Variants in TNS1 observed in about 807,000 individuals in gnomAD.
TNS1 encodes the protein tensin-1.
A neutral mutation model predicts 168.6 loss-of-function variants in TNS1; 62 were observed. The observed-to-expected ratio is 0.37, with a 90% confidence interval of 0.30 to 0.45. The LOEUF (loss-of-function observed/expected upper bound fraction) is 0.45, where lower values mean the gene tolerates loss of function less well. TNS1 is among the 20% of genes least tolerant of loss of function. TNS1 has a pLI of 1.00. For synonymous variants in TNS1, 934 were observed against 933.2 expected, an observed-to-expected ratio of 1.00 and a Z score of -0.02; for missense variants, 2,240 against 2,339.4, an observed-to-expected ratio of 0.96 and a Z score of 0.88.
chr2:218,000,395 G>A (rs1457572349), intron 1 of TNS1, among the ~76,000 whole-genome samples: 1 of 152,206 alleles, frequency 6.6e-6, no homozygotes, highest in Non-Finnish European at 1.5e-5. Context: ...TAGAGCCCAA[G>A]GAGTAGAGCC....
chr2:217,917,853 T>TGA (rs1955235033), intron 4 of TNS1, among the ~76,000 whole-genome samples: 1 of 110,920 alleles, frequency 9.0e-6, no homozygotes, highest in African/African-American at 3.6e-5. Flanking sequence ...AAAAAAGACT[T>TGA]GCGACTGGGG....
rs527300917 is a variant in TNS1 at position 217,989,422 on chromosome 2, C to A, written c.148+1520G>T. 5.5e-4 allele frequency among the ~76,000 whole-genome samples: 84 copies of A among 152,186 alleles called. 1 individual carries two copies. Among genetic ancestry groups the A allele is most frequent in the Non-Finnish European group, 5.9e-5 (4 of 68,000 alleles). ...ACAGTGGAATTGGGAGGGGATGATG[C>A]CAAGAAGCTTGGGGACTCCAGCTGT... On this transcript the variant is annotated intron_variant, in intron 2 of 32. Coordinates refer to ENST00000682258, the MANE Select transcript of TNS1 (RefSeq NM_001387777.1).
chr2:217,869,529 G>A (rs565879028), intron 18 of TNS1, among the ~76,000 whole-genome samples: 12 of 152,276 alleles, frequency 7.9e-5, no homozygotes, highest in Non-Finnish European at 1.5e-4. Flanking sequence ...CAGAGCCAGG[G>A]GTGGCATCAA....
chr2:217,980,504 CACAGAG>C lies in TNS1; in HGVS notation c.149-1708_149-1703del, dbSNP rs1358971231. 4.3e-3 allele frequency among the ~76,000 whole-genome samples: 565 copies of C among 131,266 alleles called. 7 individuals are homozygous for C. The highest frequency in any genetic ancestry group is 0.013 in the African/African-American group (467 of 35,446). The allele number at this position is 131,266 out of a possible 152,430, so 86.1% of individuals were successfully genotyped here. A position where few individuals can be genotyped will look rare whatever the true frequency, so the allele number is the denominator to read the frequency against. On this transcript the variant is annotated intron_variant, in intron 2 of 32. Coordinates refer to ENST00000682258, the MANE Select transcript of TNS1 (RefSeq NM_001387777.1). ...TGCCTCTCTCTCTCTCCTACACACACACAGAGAGAGAGAGAGAGAGAGAGAGAGAGA... is the reference window on the plus strand; with the variant it reads ...TGCCTCTCTCTCTCTCCTACACACACAGAGAGAGAGAGAGAGAGAGAGAGA...
rs376444525 is a variant in TNS1, at chr2:217,874,842, A to T, written c.1429+6056T>A. ...ATTGAACCCATTTTACAATTAAGAC[A>T]TTTGGATCTCAGAAAGGCAAAGTTA... On this transcript the variant is annotated intron_variant, in intron 18 of 32. Transcript: ENST00000682258. Among the ~76,000 whole-genome samples the T allele has an allele frequency of 2.6e-4, 40 of 152,348 alleles. No homozygotes were observed. In the East Asian group the frequency reaches 3.9e-3, roughly 15 times the overall value.
chr2:217,897,755 G>C, intron 8 of TNS1, 43 bp downstream of exon 8: 1 of 1,520,682 alleles, frequency 6.6e-7, no homozygotes, highest in Non-Finnish European at 8.8e-7. Context: ...GCAGATGGAA[G>C]CATAGAGGGC....
intron 12 of TNS1, among the ~76,000 whole-genome samples, chr2:217,888,836 A>C (rs917495908): frequency 1.3e-5 from 2 of 152,198 alleles, no homozygotes; most frequent in African/African-American, 4.8e-5. Context: ...TGTCTTTATC[A>C]GCAGCATGAA....
chr2:217,909,714 C>T (rs1329228160), intron 4 of TNS1, among the ~76,000 whole-genome samples: 7 of 152,152 alleles, frequency 4.6e-5, no homozygotes, highest in African/African-American at 1.7e-4. Context: ...GCTCCCTTGC[C>T]TCCAGGCAGG....
upstream of TNS1, among the ~76,000 whole-genome samples, chr2:218,006,646 C>G (rs1958659594): frequency 1.3e-5 from 2 of 152,294 alleles, no homozygotes; most frequent in South Asian, 4.1e-4. Flanking sequence ...TCACAAGGGC[C>G]TGGTGAGGAC....
intron 4 of TNS1, among the ~76,000 whole-genome samples, chr2:217,918,913 A>C (rs1251886732): frequency 6.6e-6 from 1 of 152,186 alleles, no homozygotes; most frequent in Non-Finnish European, 1.5e-5. Context: ...CTGCAGCAGC[A>C]GGGCTGGGCA....
chr2:217,849,751 C>A, intron 18 of TNS1: 8 of 985,436 alleles, frequency 8.1e-6, no homozygotes, highest in Non-Finnish European at 9.6e-6. Flanking sequence ...GCCTTGAATG[C>A]CCATAGAGGT....
chr2:217,892,806 G>T (rs1951869589), intron 11 of TNS1, 142 bp downstream of exon 11: 1 of 887,662 alleles, frequency 1.1e-6, no homozygotes, highest in Non-Finnish European at 1.7e-6. Context: ...AGAGCCAGGG[G>T]CCCCTTCCCC....
chr2:217,934,388 G>A (rs1157916741), intron 3 of TNS1, among the ~76,000 whole-genome samples: 3 of 152,198 alleles, frequency 2.0e-5, no homozygotes, highest in Non-Finnish European at 4.4e-5. Flanking sequence ...TGATTCAGTG[G>A]CTGGGCCTCC....
chr2:217,837,755 C>A (rs1001636070), intron 19 of TNS1, among the ~76,000 whole-genome samples: 2 of 152,366 alleles, frequency 1.3e-5, no homozygotes, highest in East Asian at 3.9e-4. Flanking sequence ...AGCAAACAAG[C>A]CCCACACCTT....
At chr2:217,988,707 G>A (rs559760032) in intron 2 of TNS1, among the ~76,000 whole-genome samples, 109 of 152,218 alleles carry the variant, frequency 7.2e-4, no homozygotes, top group African/African-American at 2.0e-3. Flanking sequence ...GGGTGACACC[G>A]CGTGGCTGAT....
chr2:217,885,016 C>T lies in TNS1; in HGVS notation c.1246+19G>A, dbSNP rs771420713. 2.3e-5 allele frequency: 37 copies of T among 1,613,838 alleles called. 1 individual carries two copies. In the Middle Eastern group the frequency reaches 1.2e-3, roughly 50 times the overall value. On this transcript the variant is annotated intron_variant, in intron 16 of 32. Transcript: ENST00000682258. ...CTGCCACAGGGGTGCCCACCCCCAG[C>T]TCCACTCAAGGAGCGCACCTTTGAA... is the stretch of plus-strand genomic sequence containing the variant.
At chr2:218,010,259 C>A (rs1056231074) in exon 1 of TNS1, 3 of 398,476 alleles carry the variant, frequency 7.5e-6, no homozygotes, top group South Asian at 1.3e-4. Context: ...CCGCTCCTGG[C>A]GCAGAGTTCC....
chr2:217,851,480 G>A (rs1045564291), intron 18 of TNS1, among the ~76,000 whole-genome samples: 7 of 148,110 alleles, frequency 4.7e-5, no homozygotes, highest in African/African-American at 1.8e-4. Flanking sequence ...CACACCCCAG[G>A]GACTGGATGC....
chr2:218,010,956 G>A (rs949444534), upstream of TNS1, among the ~76,000 whole-genome samples: 2 of 152,094 alleles, frequency 1.3e-5, no homozygotes, highest in Non-Finnish European at 2.9e-5. Flanking sequence ...CACACACTCC[G>A]ACTCCTCAGC....
Sources: gnomAD v4.1 joint callset for allele counts (sites outside exome capture counted in the v4.1 genomes callset) on GRCh38, gnomAD v4.1.1 for gene constraint, MANE v1.5 for transcripts, NCBI Gene and HGNC (gene_info 2026-07-23, HGNC 2026-07-21) for gene names.